Variants in INVS observed in about 807,000 individuals in gnomAD.
INVS encodes inversin.
A neutral mutation model predicts 108.8 loss-of-function variants in INVS; 86 were observed. The observed-to-expected ratio is 0.79, with a 90% CI of 0.66 to 0.95. The LOEUF is 0.95. Among genes scored for constraint, INVS ranks in the 40% least tolerant of loss-of-function variants. INVS has a pLI of 0.00. For missense variants in INVS, 1,169 were observed against 1,297.4 expected, an observed-to-expected ratio of 0.90 and a Z score of 1.52; for synonymous variants, 455 against 473.5, an observed-to-expected ratio of 0.96 and a Z score of 0.51.
chr9:100,100,600 A>G (rs549802070), intron 1 of INVS, among the ~76,000 whole-genome samples: 1 of 95,080 alleles, frequency 1.1e-5, no homozygotes, highest in East Asian at 2.6e-4. Flanking sequence ...ATATATGTAC[A>G]TATAATATAT....
chr9:100,126,598 C>A lies in INVS; in HGVS notation c.273+49C>A, dbSNP rs777677317. The stretch of plus-strand genomic sequence containing the variant: ...GAGTAAATGTTTTGTGTGATGTCTG[C>A]TAGTTGATTAGTGGAACTATGCAAT... On this transcript the variant is annotated intron_variant, in intron 3 of 16. Coordinates refer to ENST00000262457, the MANE Select transcript of INVS (RefSeq NM_014425.5). 3.2e-6 allele frequency: 5 copies of A among 1,545,540 alleles called. No homozygotes were observed. The South Asian group carries it at 5.6e-5, about 17-fold the overall frequency.
At chr9:100,209,299 C>G (rs1454311954) in intron 3 of INVS, among the ~76,000 whole-genome samples, 1 of 152,122 alleles carries the variant, frequency 6.6e-6, no homozygotes, top group Admixed American at 6.6e-5. Flanking sequence ...GGTCTTCTGC[C>G]TTTTAGAATT....
At chr9:100,253,352 A>C (rs1053202742) in intron 10 of INVS, among the ~76,000 whole-genome samples, 43 of 151,970 alleles carry the variant, frequency 2.8e-4, no homozygotes, top group Non-Finnish European at 1.3e-4. Flanking sequence ...TAATTTTATA[A>C]CTTTTATAAA....
intron 10 of INVS, among the ~76,000 whole-genome samples, chr9:100,262,941 GT>G (rs1277436561): frequency 1.3e-5 from 2 of 151,972 alleles, no homozygotes; most frequent in East Asian, 3.9e-4. Context: ...TAGAGAAGGG[GT>G]TTCACCATGT....
intron 3 of INVS, among the ~76,000 whole-genome samples, chr9:100,168,450 G>A (rs1384507323): frequency 6.6e-6 from 1 of 152,166 alleles, no homozygotes; most frequent in African/African-American, 2.4e-5. Context: ...GGCAGATAAA[G>A]TGCTGTCTAA....
chr9:100,247,300 G>C (rs1040375898), intron 8 of INVS, among the ~76,000 whole-genome samples: 2 of 152,076 alleles, frequency 1.3e-5, no homozygotes, highest in Admixed American at 6.6e-5. Flanking sequence ...ATGCTTCAAA[G>C]CTTCAAATCA....
Position 100,257,720 on chromosome 9 carries a change from A to G in INVS, c.1464+4584A>G, listed in dbSNP as rs865847185. ...GGTTTGACAATTCTTTTCTTTAAGA[A>G]TGTTGAATATCGGCCCCCACTCTCT... On this transcript the variant is annotated intron_variant, in intron 10 of 16. Coordinates refer to ENST00000262457, the MANE Select transcript of INVS (RefSeq NM_014425.5). 8.5e-5 allele frequency among the ~76,000 whole-genome samples: 13 copies of G among 152,236 alleles called. 1 individual carries two copies. The highest frequency in any genetic ancestry group is 3.9e-4 in the Admixed American group (6 of 15,278).
chr9:100,258,365 G>A (rs530414845), intron 10 of INVS, among the ~76,000 whole-genome samples: 30 of 152,216 alleles, frequency 2.0e-4, no homozygotes, highest in African/African-American at 5.1e-4. Context: ...CCTTTAGCTC[G>A]GAGAAGTTTG....
At chr9:100,285,358 C>G (rs2787368) in intron 13 of INVS, among the ~76,000 whole-genome samples, 45,471 of 152,074 alleles carry the variant, frequency 0.3, 7,957 homozygotes, top group Non-Finnish European at 0.41. Context: ...CTTTCAAGAT[C>G]TTAAAATTTA....
chr9:100,261,753 CTT>C (rs1407064960), intron 10 of INVS, among the ~76,000 whole-genome samples: 2 of 152,136 alleles, frequency 1.3e-5, no homozygotes, highest in African/African-American at 4.8e-5. Context: ...CATTTCCAAT[CTT>C]TATACTTTTC....
intron 10 of INVS, among the ~76,000 whole-genome samples, chr9:100,256,908 G>C (rs1490588399): frequency 6.6e-6 from 1 of 152,212 alleles, no homozygotes; most frequent in Non-Finnish European, 1.5e-5. Context: ...GGAGAGTTCT[G>C]TAGATGTCTA....
At chr9:100,300,432 C>G in intron 16 of INVS, 136 bp from the exon 17 acceptor site, 1 of 686,350 alleles carries the variant, frequency 1.5e-6, no homozygotes. Context: ...TTAAGTCATC[C>G]TGCCTCTACA....
At chr9:100,123,945 A>T (rs1354180404) in intron 2 of INVS, among the ~76,000 whole-genome samples, 1 of 152,150 alleles carries the variant, frequency 6.6e-6, no homozygotes, top group Non-Finnish European at 1.5e-5. Context: ...AGCTGGTATT[A>T]CAGGCATGTG....
chr9:100,204,693 T>TTTG (rs928116140), intron 3 of INVS, among the ~76,000 whole-genome samples: 1 of 152,112 alleles, frequency 6.6e-6, no homozygotes, highest in African/African-American at 2.4e-5. Context: ...ACAGGTTTCT[T>TTTG]TTGTTGTTGT....
chr9:100,222,819 C>CTTT (rs201620953), intron 3 of INVS, among the ~76,000 whole-genome samples: 1 of 137,414 alleles, frequency 7.3e-6, no homozygotes, highest in African/African-American at 2.6e-5. Context: ...CCTGGGCAAA[C>CTTT]TTTTTTTTTT....
chr9:100,116,954 C>T (rs1309167078), intron 2 of INVS: 7 of 1,552,502 alleles, frequency 4.5e-6, no homozygotes, highest in Middle Eastern at 2.3e-4. Flanking sequence ...ATTGCAGCCC[C>T]GGGCTGAGGT....
At chr9:100,267,253 T>C (rs1832825053) in intron 11 of INVS, among the ~76,000 whole-genome samples, 1 of 152,162 alleles carries the variant, frequency 6.6e-6, no homozygotes, top group African/African-American at 2.4e-5. Context: ...AATAAACATA[T>C]GTTAATTACA....
At chr9:100,101,281 T>A (rs1177986309) in intron 1 of INVS, 1 of 151,608 alleles carries the variant, frequency 6.6e-6, no homozygotes, top group Non-Finnish European at 1.5e-5. Context: ...TCTAACCTTA[T>A]TATTTTTTGC....
intron 3 of INVS, chr9:100,129,870 A>G (rs1331488601): frequency 2.2e-6 from 1 of 460,080 alleles, no homozygotes; most frequent in East Asian, 3.2e-5. Context: ...GAGTTTGGAG[A>G]TAATAGTGGC....
Sources: allele counts gnomAD v4.1 joint callset (sites outside exome capture counted in the v4.1 genomes callset), GRCh38; gene constraint gnomAD v4.1.1; transcripts MANE v1.5; gene names NCBI Gene and HGNC (gene_info 2026-07-23, HGNC 2026-07-21).